The following ANO2 variants were observed in gnomAD, a reference collection of about 807,000 sequenced individuals.
The protein encoded by ANO2 is anoctamin 2, also known as anoctamin-2.
In ANO2, 101 loss-of-function variants were observed where a neutral mutation model predicts 124.2. That is an observed-to-expected ratio of 0.81 (90% CI 0.69 to 0.96). The LOEUF (loss-of-function observed/expected upper bound fraction) is 0.96, where lower values mean the gene tolerates loss of function less well. Ranked by LOEUF, ANO2 falls within the 40% of genes least tolerant of loss-of-function variation. The pLI, the probability that ANO2 is intolerant of heterozygous loss-of-function variation, is 0.00. For missense variants in ANO2, 1,293 were observed against 1,274.5 expected (o/e 1.01, Z -0.22); for synonymous variants, 486 against 482.5 (o/e 1.01, Z -0.09).
chr12:5,583,425 G>A (rs1030209402), intron 20 of ANO2, among the ~76,000 whole-genome samples: 11 of 152,036 alleles, frequency 7.2e-5, no homozygotes, highest in South Asian at 2.1e-4. Flanking sequence ...AGGCCGAGGC[G>A]GGCGGATCAC....
At position 5,628,693 on chromosome 12, in the gene ANO2, C is replaced by A. The variant is rs572942085; in HGVS notation, c.1816+6459G>T. 6.6e-5 allele frequency among the ~76,000 whole-genome samples: 10 copies of A among 152,052 alleles called. 1 individual carries two copies. The South Asian group carries it at 1.0e-3, about 16-fold the overall frequency. Reference sequence around the variant, plus strand: ...GTGTGTGTGTGTGTGTGTGTGCGCGCGCGCACGCGTGCGTGCACATGTGCA... The same window carrying A: ...GTGTGTGTGTGTGTGTGTGTGCGCGAGCGCACGCGTGCGTGCACATGTGCA... On this transcript the variant is annotated intron_variant, in intron 16 of 24. Coordinates refer to ENST00000682330, the MANE Select transcript of ANO2 (RefSeq NM_001364791.2).
intron 3 of ANO2, among the ~76,000 whole-genome samples, chr12:5,857,312 G>A (rs1955128243): frequency 6.6e-6 from 1 of 152,182 alleles, no homozygotes; most frequent in Non-Finnish European, 1.5e-5. Context: ...CTTAGTTATT[G>A]TGAATAGTCC....
At chr12:5,688,047 AATC>A (rs1158154012) in intron 14 of ANO2, among the ~76,000 whole-genome samples, 1 of 152,232 alleles carries the variant, frequency 6.6e-6, no homozygotes, top group African/African-American at 2.4e-5. Context: ...AAATTGTATT[AATC>A]ATCACCCCAC....
chr12:5,924,111 C>A (rs749189614), intron 1 of ANO2, among the ~76,000 whole-genome samples: 51 of 152,352 alleles, frequency 3.3e-4, no homozygotes, highest in Non-Finnish European at 5.6e-4. Context: ...ATGTCTCCAA[C>A]TCAGCCCTAA....
intron 3 of ANO2, among the ~76,000 whole-genome samples, chr12:5,894,249 G>A (rs1416282095): frequency 4.6e-5 from 7 of 151,922 alleles, no homozygotes; most frequent in African/African-American, 1.7e-4. Context: ...GTGGTGATGA[G>A]TTTTTTTTCA....
intron 14 of ANO2, among the ~76,000 whole-genome samples, chr12:5,683,032 C>T (rs1203073689): frequency 6.6e-6 from 1 of 152,106 alleles, no homozygotes; most frequent in African/African-American, 2.4e-5. Flanking sequence ...GTCACCAAAA[C>T]CCCAAGCCTG....
intron 8 of ANO2, 108 bp from the exon 9 acceptor site, chr12:5,806,201 A>G: frequency 8.5e-7 from 1 of 1,176,910 alleles, no homozygotes; most frequent in Non-Finnish European, 1.2e-6. Flanking sequence ...CTTTTTTTTC[A>G]TTCCCATTTA....
At chr12:5,778,560 T>C (rs1952296499) in intron 10 of ANO2, among the ~76,000 whole-genome samples, 1 of 152,222 alleles carries the variant, frequency 6.6e-6, no homozygotes, top group African/African-American at 2.4e-5. Flanking sequence ...GAAATCAAAA[T>C]GCAATTCCAA....
intron 15 of ANO2, among the ~76,000 whole-genome samples, chr12:5,639,506 C>T (rs143423948): frequency 5.5e-4 from 83 of 152,166 alleles, no homozygotes; most frequent in Middle Eastern, 6.8e-3. Context: ...CGAGAAATAC[C>T]GTGGAGACAA....
Position 5,921,218 on chromosome 12 carries a change from G to C in ANO2, c.356C>G (p.Pro119Arg). 3 of 1,613,960 alleles carry C rather than the reference G, an allele frequency of 1.9e-6. No homozygotes were observed. The highest frequency in any genetic ancestry group is 2.5e-6 in the Non-Finnish European group (3 of 1,179,860). The change falls in exon 3 of 25, where the codon CCT becomes CGT. Residue 119 changes from proline (P) to arginine (R), a missense_variant. Transcript: ENST00000682330. ...KRGVHLAQGF[P>R]GHSLAIVSNG... ...GGAGACGATAGCCAGCGAGTGGCCAGGGAAGCCTTGGGCCAGGTGCACCCC... is the reference window on the plus strand; with the variant it reads ...GGAGACGATAGCCAGCGAGTGGCCACGGAAGCCTTGGGCCAGGTGCACCCC...
chr12:5,661,217 T>C (rs1243543975), intron 14 of ANO2, among the ~76,000 whole-genome samples: 2 of 152,182 alleles, frequency 1.3e-5, no homozygotes, highest in African/African-American at 2.4e-5. Context: ...CCTGTCCCTT[T>C]GGGTCACATA....
At chr12:5,598,371 T>C (rs774105161) in intron 20 of ANO2, among the ~76,000 whole-genome samples, 2 of 149,584 alleles carry the variant, frequency 1.3e-5, no homozygotes, top group African/African-American at 2.5e-5. Flanking sequence ...TATTTATTTA[T>C]TTTTGAGACA....
intron 14 of ANO2, among the ~76,000 whole-genome samples, chr12:5,672,598 T>C (rs1002368028): frequency 1.6e-4 from 8 of 50,568 alleles, no homozygotes; most frequent in African/African-American, 3.2e-4. Flanking sequence ...TGTGTGTGTG[T>C]GCACATGCAT....
chr12:5,733,264 A>C (rs559761602), intron 13 of ANO2: 113 of 318,150 alleles, frequency 3.6e-4, no homozygotes, highest in African/African-American at 2.2e-3. Flanking sequence ...AAGAGACCTC[A>C]CTGGGCCATT....
chr12:5,819,826 G>T (rs1953727135), intron 7 of ANO2, among the ~76,000 whole-genome samples: 1 of 146,862 alleles, frequency 6.8e-6, no homozygotes, highest in Non-Finnish European at 1.5e-5. Flanking sequence ...GGGAATAATT[G>T]GATCCTGAAG....
At chr12:5,739,852 T>G in intron 12 of ANO2, 1 of 456,248 alleles carries the variant, frequency 2.2e-6, no homozygotes, top group Non-Finnish European at 4.4e-6. Flanking sequence ...ACTTGCCTCA[T>G]TTGGGCCCTA....
Position 5,920,988 on chromosome 12 carries a change from G to C in ANO2, c.534+52C>G. On this transcript the variant is annotated intron_variant, in intron 3 of 24. Coordinates refer to ENST00000682330, the MANE Select transcript of ANO2 (RefSeq NM_001364791.2). ...AGGTGGCACTGCTCACTAGGAGCCC[G>C]GTTCTGTGGTGCCATTCCATCTCCA... 4 of 1,553,054 alleles carry C rather than the reference G, an allele frequency of 2.6e-6. No homozygotes were observed. The Admixed American group carries it at 5.2e-5, about 20-fold the overall frequency.
intron 3 of ANO2, among the ~76,000 whole-genome samples, chr12:5,911,271 C>A (rs1941030040): frequency 6.6e-6 from 1 of 152,156 alleles, no homozygotes; most frequent in African/African-American, 2.4e-5. Context: ...ATGTCTGCTA[C>A]ATGAAAAGCA....
chr12:5,695,187 T>C (rs1591928766), intron 14 of ANO2, among the ~76,000 whole-genome samples: 1 of 152,132 alleles, frequency 6.6e-6, no homozygotes, highest in Admixed American at 6.5e-5. Context: ...TAGAGAGCAC[T>C]CCAAGCACCA....
Sources: gnomAD v4.1 joint callset for allele counts (sites outside exome capture counted in the v4.1 genomes callset) on GRCh38, gnomAD v4.1.1 for gene constraint, MANE v1.5 for transcripts, NCBI Gene and HGNC (gene_info 2026-07-23, HGNC 2026-07-21) for gene names.